NIM1K: variants seen among roughly 807,000 people sequenced by gnomAD.
NIM1K encodes NIM1 serine/threonine protein kinase.
In NIM1K, 35 loss-of-function variants were observed where a neutral mutation model predicts 37.1. The observed-to-expected ratio is 0.94, with a 90% CI of 0.72 to 1.25. The LOEUF (loss-of-function observed/expected upper bound fraction) is 1.25. NIM1K is among the 50% of genes most tolerant of loss of function. The pLI is 0.00. For synonymous variants in NIM1K, 234 were observed against 206.6 expected (o/e 1.13, Z -1.14); for missense variants, 564 against 548.0 (o/e 1.03, Z -0.29).
intron 1 of NIM1K, among the ~76,000 whole-genome samples, chr5:43,239,459 C>T (rs1167972591): frequency 2.0e-5 from 3 of 151,794 alleles, no homozygotes; most frequent in South Asian, 2.1e-4. Flanking sequence ...AGGCTGGTCT[C>T]GAACTCCTGA....
intron 1 of NIM1K, among the ~76,000 whole-genome samples, chr5:43,214,675 G>A (rs950780293): frequency 6.6e-6 from 1 of 151,920 alleles, no homozygotes; most frequent in African/African-American, 2.4e-5. Context: ...AATTAGCTGG[G>A]CATGGTAGCG....
chr5:43,245,894 G>T lies in NIM1K; in HGVS notation c.119G>T (p.Gly40Val). The change falls in exon 2 of 4, where the codon GGA becomes GTA. Residue 40 changes from glycine to valine, a missense_variant. Coordinates refer to ENST00000326035, the MANE Select transcript of NIM1K (RefSeq NM_153361.4). ...QTESSKEGEE[G>V]QPRQLTPFEK... Reference sequence around the variant, plus strand: ...GAGAGTAGCAAGGAGGGTGAGGAGGGACAGCCCCGCCAGCTGACGCCCTTC... The same window carrying T: ...GAGAGTAGCAAGGAGGGTGAGGAGGTACAGCCCCGCCAGCTGACGCCCTTC... The T allele has an allele frequency of 6.2e-7, 1 of 1,614,154 alleles. No homozygotes were observed.
intron 1 of NIM1K, chr5:43,207,685 G>C (rs915753665): frequency 1.8e-6 from 1 of 541,986 alleles, no homozygotes; most frequent in Non-Finnish European, 3.6e-6. Context: ...AACAGCTGGA[G>C]AATTCTTCAT....
chr5:43,273,147 C>G (rs1364457129), intron 2 of NIM1K, among the ~76,000 whole-genome samples: 1 of 152,012 alleles, frequency 6.6e-6, no homozygotes, highest in Non-Finnish European at 1.5e-5. Context: ...TAGACTCCCA[C>G]TTGCTCCCAG....
At chr5:43,246,124 A>G in intron 2 of NIM1K, 57 bp downstream of exon 2, 1 of 1,503,090 alleles carries the variant, frequency 6.7e-7, no homozygotes, top group Non-Finnish European at 9.0e-7. Context: ...AGTGTAGGAA[A>G]GGGGTTAGGT....
intron 1 of NIM1K, among the ~76,000 whole-genome samples, chr5:43,205,910 T>C (rs1395211622): frequency 2.6e-5 from 4 of 151,952 alleles, no homozygotes; most frequent in Admixed American, 2.0e-4. Flanking sequence ...GACGGGGTTT[T>C]ACTGTGTTAG....
intron 2 of NIM1K, among the ~76,000 whole-genome samples, chr5:43,246,537 C>T (rs549885997): frequency 4.2e-4 from 64 of 152,226 alleles, no homozygotes; most frequent in Non-Finnish European, 7.1e-4. Context: ...TGGCACAGTG[C>T]GGCACAGGAG....
In NIM1K at chr5:43,229,223, A is replaced by G. The variant is rs1752502323; in HGVS notation, c.-694-15859A>G. Among the ~76,000 whole-genome samples the G allele has an allele frequency of 3.3e-5, 5 of 152,030 alleles. No individual in the cohort carries two copies. The South Asian group carries it at 1.0e-3, about 32-fold the overall frequency. ...AACATGGCAAAACCCCGTCTCTACT[A>G]AAAATACAAAAATTAGCCGGGCGTG... On this transcript the variant is annotated intron_variant, in intron 1 of 3. Coordinates refer to ENST00000326035, the MANE Select transcript of NIM1K (RefSeq NM_153361.4).
chr5:43,223,064 G>T (rs1356729667), intron 1 of NIM1K, among the ~76,000 whole-genome samples: 1 of 148,278 alleles, frequency 6.7e-6, no homozygotes, highest in Non-Finnish European at 1.5e-5. Context: ...GCTTGAACTT[G>T]GGAGGCAGAG....
rs773208490 is a variant in NIM1K, at chr5:43,280,532, C to A, written c.1114C>A (p.Arg372=). 1.2e-6 allele frequency: 2 copies of A among 1,614,066 alleles called. No homozygotes were observed. Among genetic ancestry groups the A allele is most frequent in the Non-Finnish European group, 1.7e-6 (2 of 1,179,986 alleles). Reference sequence around the variant, plus strand: ...TTTGGGCATTACAGAAGAGCATATTCGAAATAACCAAGGGAGAGATGCTCG... The same window carrying A: ...TTTGGGCATTACAGAAGAGCATATTAGAAATAACCAAGGGAGAGATGCTCG... The part of the protein sequence containing the change: ...EHLGITEEHI[R]NNQGRDARSS... The change falls in exon 4 of 4, where the codon CGA becomes AGA. Residue 372 remains arginine, a synonymous_variant. Transcript: ENST00000326035.
intron 2 of NIM1K, among the ~76,000 whole-genome samples, chr5:43,269,243 G>A (rs1320953426): frequency 6.9e-6 from 1 of 145,588 alleles, no homozygotes; most frequent in Non-Finnish European, 1.5e-5. Context: ...CCGGGAGGCA[G>A]AGGTTGCAGT....
Position 43,245,556 on chromosome 5 carries a change from G to A in NIM1K, c.-220G>A. ...TGAGGGAAGGTGGGAAATGTCTTGA[G>A]TGAGGCGAGCAGCTCCTGGCTGGGC... On this transcript the variant is annotated 5_prime_UTR_variant, in exon 2 of 4. It adds an upstream start codon to the 5' untranslated region. Coordinates refer to ENST00000326035, the MANE Select transcript of NIM1K (RefSeq NM_153361.4). 1 of 465,434 alleles carries A rather than the reference G, an allele frequency of 2.1e-6. No individual in the cohort carries two copies. The highest frequency in any genetic ancestry group is 4.7e-5 in the South Asian group (1 of 21,494). The allele number at this position is 465,434 out of a possible 1,614,324, so 28.8% of individuals were successfully genotyped here. A position where few individuals can be genotyped will look rare whatever the true frequency, so the allele number is the denominator to read the frequency against.
chr5:43,220,560 C>T (rs531292220), intron 1 of NIM1K, among the ~76,000 whole-genome samples: 10 of 152,200 alleles, frequency 6.6e-5, no homozygotes, highest in South Asian at 2.1e-4. Context: ...GGATTACAGG[C>T]GTGAGCTACT....
rs559972540 is a variant in NIM1K at position 43,225,382 on chromosome 5, T to A, written c.-694-19700T>A. The A allele has an allele frequency of 9.9e-5, 15 of 151,916 alleles. No individual in the cohort carries two copies. The South Asian group carries it at 3.1e-3, about 31-fold the overall frequency. The allele number at this position is 151,916 out of a possible 1,614,324, so 9.4% of individuals were successfully genotyped here. ...ATTAAAAGGACTTGCATTCCTCAGA[T>A]AAAAGTTATTTTCTTTTTTTTTAAG... On this transcript the variant is annotated intron_variant, in intron 1 of 3. Transcript: ENST00000326035.
intron 1 of NIM1K, among the ~76,000 whole-genome samples, chr5:43,239,413 T>C (rs1482593672): frequency 6.6e-6 from 1 of 151,926 alleles, no homozygotes; most frequent in Non-Finnish European, 1.5e-5. Flanking sequence ...AATTTTTTTG[T>C]ATTTTTAGTA....
At position 43,268,812 on chromosome 5, in the gene NIM1K, G is replaced by A. The variant is rs539068472; in HGVS notation, c.293-8245G>A. On this transcript the variant is annotated intron_variant, in intron 2 of 3. Transcript: ENST00000326035. ...AACTACAAACTAAATGTCTCCCAAAGCTAGCCAAGACTAAGCCCAGGAATA... is the reference window on the plus strand; with the variant it reads ...AACTACAAACTAAATGTCTCCCAAAACTAGCCAAGACTAAGCCCAGGAATA... Among the ~76,000 whole-genome samples, 11 of 152,238 alleles carry A rather than the reference G, an allele frequency of 7.2e-5. No homozygotes were observed. In the Middle Eastern group the frequency reaches 0.024, roughly 330 times the overall value.
chr5:43,280,650 C>G lies in NIM1K; in HGVS notation c.1232C>G (p.Pro411Arg). ...GTCCCAGTCATGATGCTACCAGACC[C>G]TAAAGAAAGAGACCTCAAAAAAGGG... ...ESVPVMMLPDPKERDLKKGSR... is the reference protein window; with the variant it reads ...ESVPVMMLPDRKERDLKKGSR... The change falls in exon 4 of 4, where the codon CCT (proline) becomes CGT (arginine). Residue 411 changes from proline (P) to arginine (R), a missense_variant. Coordinates refer to ENST00000326035, the MANE Select transcript of NIM1K (RefSeq NM_153361.4). The G allele has an allele frequency of 6.2e-7, 1 of 1,613,918 alleles. No homozygotes were observed. The highest frequency in any genetic ancestry group is 1.1e-5 in the South Asian group (1 of 91,068).
chr5:43,262,450 C>T (rs577434823), intron 2 of NIM1K, among the ~76,000 whole-genome samples: 25 of 152,250 alleles, frequency 1.6e-4, no homozygotes, highest in Non-Finnish European at 2.1e-4. Context: ...TTTTTGCACA[C>T]TGATTTTGTA....
chr5:43,231,051 C>T (rs1752531515), intron 1 of NIM1K, among the ~76,000 whole-genome samples: 1 of 152,216 alleles, frequency 6.6e-6, no homozygotes, highest in Non-Finnish European at 1.5e-5. Context: ...GATGCTGTGG[C>T]TCACACCTAT....
Sources: gnomAD v4.1 joint callset for allele counts (sites outside exome capture counted in the v4.1 genomes callset) on GRCh38, gnomAD v4.1.1 for gene constraint, MANE v1.5 for transcripts, NCBI Gene and HGNC (gene_info 2026-07-23, HGNC 2026-07-21) for gene names.